The following ATP12A variants were observed in gnomAD, a reference collection of about 807,000 sequenced individuals.
ATP12A encodes potassium-transporting ATPase alpha chain 2.
In ATP12A, 81 loss-of-function variants were observed where a neutral mutation model predicts 111.2. That is an observed-to-expected ratio of 0.73 (90% CI 0.61 to 0.88). The LOEUF (loss-of-function observed/expected upper bound fraction) is 0.88. ATP12A is among the 40% of genes least tolerant of loss of function. ATP12A has a pLI of 0.00. For missense variants in ATP12A, 1,196 were observed against 1,313.1 expected (o/e 0.91, Z 1.38); for synonymous variants, 498 against 499.8 (o/e 1.00, Z 0.05).
rs750526769 is a variant in ATP12A, at chr13:24,700,831, A to G, written c.1790A>G (p.Asn597Ser). The G allele has an allele frequency of 2.2e-5, 36 of 1,613,828 alleles. No individual in the cohort carries two copies. Among genetic ancestry groups the G allele is most frequent in the Non-Finnish European group, 3.0e-5 (35 of 1,179,950 alleles). ...DIDAMNFPTS[N>S]LCFVGLLSMI... ...GACGCTATGAACTTTCCGACCTCCAACCTCTGTTTTGTGGGACTCTTGTCA... is the reference window on the plus strand; with the variant it reads ...GACGCTATGAACTTTCCGACCTCCAGCCTCTGTTTTGTGGGACTCTTGTCA... The change falls in exon 13 of 23, where the codon AAC becomes AGC. Residue 597 changes from asparagine (N) to serine (S), a missense_variant. Physicochemically the swap from Asn to Ser is conservative, Grantham distance 46. Transcript: ENST00000381946.
At chr13:24,695,821 C>T (rs1875129164) in intron 11 of ATP12A, among the ~76,000 whole-genome samples, 1 of 152,054 alleles carries the variant, frequency 6.6e-6, no homozygotes, top group African/African-American at 2.4e-5. Context: ...GTTGGCTGGG[C>T]TGGCCTCGAA....
chr13:24,684,608 C>T (rs1468742958), intron 2 of ATP12A, among the ~76,000 whole-genome samples: 1 of 152,124 alleles, frequency 6.6e-6, no homozygotes, highest in Non-Finnish European at 1.5e-5. Context: ...AAAATGGAAA[C>T]ATTTTTGGTT....
At chr13:24,710,744 A>T (rs146430565) in intron 20 of ATP12A, 48 bp from the exon 21 acceptor site, 2 of 1,607,954 alleles carry the variant, frequency 1.2e-6, no homozygotes, top group East Asian at 4.5e-5. Context: ...GTGTATGATC[A>T]TGAAGCCACA....
intron 11 of ATP12A, 92 bp from the exon 12 acceptor site, chr13:24,698,566 C>T (rs1427908452): frequency 6.7e-6 from 9 of 1,345,760 alleles, no homozygotes; most frequent in Admixed American, 6.4e-5. Context: ...TGCCATTGTG[C>T]CTCTTCCTCC....
At chr13:24,698,293 G>A (rs1427409654) in intron 11 of ATP12A, among the ~76,000 whole-genome samples, 1 of 152,118 alleles carries the variant, frequency 6.6e-6, no homozygotes, top group African/African-American at 2.4e-5. Context: ...TCTGAAAGAC[G>A]GCTGCTCCCC....
intron 1 of ATP12A, 89 bp from the exon 2 acceptor site, chr13:24,681,473 C>A (rs1247676667): frequency 1.4e-6 from 2 of 1,450,622 alleles, no homozygotes; most frequent in African/African-American, 1.4e-5. Flanking sequence ...GCTCCTGACT[C>A]CTGCAGGTCC....
intron 3 of ATP12A, among the ~76,000 whole-genome samples, chr13:24,686,908 G>T (rs906386587): frequency 2.0e-5 from 3 of 152,060 alleles, no homozygotes; most frequent in Non-Finnish European, 4.4e-5. Context: ...GGCTGGGGTG[G>T]GGGCAGGGAG....
intron 3 of ATP12A, among the ~76,000 whole-genome samples, chr13:24,687,554 A>ATCG (rs755050607): frequency 9.9e-5 from 15 of 152,186 alleles, no homozygotes; most frequent in Non-Finnish European, 1.9e-4. Context: ...TCCACCAAAG[A>ATCG]TCGTCTGTGG....
At chr13:24,709,186 G>T (rs1261677838) in intron 17 of ATP12A, among the ~76,000 whole-genome samples, 178 bp from the exon 18 acceptor site, 1 of 152,160 alleles carries the variant, frequency 6.6e-6, no homozygotes, top group Non-Finnish European at 1.5e-5. Context: ...ATTTCTAAAG[G>T]CACTATTCTT....
intron 10 of ATP12A, 27 bp from the exon 11 acceptor site, chr13:24,694,417 C>T (rs1875043003): frequency 6.2e-7 from 1 of 1,611,742 alleles, no homozygotes; most frequent in Non-Finnish European, 8.5e-7. Context: ...ATATGTGCTG[C>T]AAATATTTTT....
In ATP12A at chr13:24,692,440, G is replaced by A. The variant is rs759783098; in HGVS notation, c.1080G>A (p.Ser360=). ...GLLATVTVTL[S]LTAKRMAKKN... is the part of the protein sequence containing the mutation. ...CCCTCTCCTGCTAGGTGACCCTGTC[G>A]CTGACAGCAAAACGGATGGCCAAGA... The change falls in exon 9 of 23, where the codon TCG becomes TCA. Residue 360 remains serine, a synonymous_variant. Coordinates refer to ENST00000381946, the MANE Select transcript of ATP12A (RefSeq NM_001676.7). 1.3e-5 allele frequency: 21 copies of A among 1,613,506 alleles called. No homozygotes were observed. The highest frequency in any genetic ancestry group is 2.2e-5 in the South Asian group (2 of 91,070).
chr13:24,692,571 C>A lies in ATP12A; in HGVS notation c.1211C>A (p.Ala404Asp). Residue 404 changes from alanine to aspartate, a missense_variant, in exon 9 of 23, where the codon GCC becomes GAC. Coordinates refer to ENST00000381946, the MANE Select transcript of ATP12A (RefSeq NM_001676.7). ...CTGACCCAGAACAGGATGACAGTGG[C>A]CCATCTGTGGTTCGACAATCAGATC... ...GTLTQNRMTV[A>D]HLWFDNQIFV... 6.2e-7 allele frequency: 1 copy of A among 1,614,114 alleles called. No individual in the cohort carries two copies. Among genetic ancestry groups the A allele is most frequent in the Non-Finnish European group, 8.5e-7 (1 of 1,179,994 alleles).
At chr13:24,693,008 C>A in intron 10 of ATP12A, 112 bp downstream of exon 10, 1 of 977,762 alleles carries the variant, frequency 1.0e-6, no homozygotes, top group Non-Finnish European at 1.6e-6. Flanking sequence ...TTGTTCAGTG[C>A]TTGCAAGAGC....
chr13:24,705,319 A>G (rs943091296), intron 14 of ATP12A, among the ~76,000 whole-genome samples: 3 of 152,192 alleles, frequency 2.0e-5, no homozygotes, highest in African/African-American at 7.2e-5. Flanking sequence ...GGCAGGAGGG[A>G]GAGCCCAAGG....
At chr13:24,689,079 G>A (rs535485709) in intron 4 of ATP12A, among the ~76,000 whole-genome samples, 183 bp from the exon 5 acceptor site, 102 of 147,764 alleles carry the variant, frequency 6.9e-4, no homozygotes, top group African/African-American at 2.3e-3. Flanking sequence ...TGGTGTCATG[G>A]CTCTGTAAAC....
chr13:24,694,683 A>G (rs952748939), intron 11 of ATP12A, 105 bp downstream of exon 11: 3 of 1,559,088 alleles, frequency 1.9e-6, no homozygotes, highest in African/African-American at 1.4e-5. Context: ...CCTGGCTTCA[A>G]AGACAGTCGT....
rs146517711 is a variant in ATP12A, at chr13:24,702,245, A to G, written c.2018+174A>G. On this transcript the variant is annotated intron_variant, in intron 14 of 22. Transcript: ENST00000381946. ...TTCACTCTAATTTCACTGAGCAGCT[A>G]ATATGTGCCAGGCACAGTATTGATA... 3.6e-3 allele frequency among the ~76,000 whole-genome samples: 552 copies of G among 152,352 alleles called. 6 individuals carry two copies. Among genetic ancestry groups the G allele is most frequent in the African/African-American group, 0.012 (507 of 41,582 alleles).
rs370722394 is a variant in ATP12A, at chr13:24,685,281, A to C, written c.169-33A>C. 14 of 1,602,190 alleles carry C rather than the reference A, an allele frequency of 8.7e-6. No homozygotes were observed. In the African/African-American group the frequency reaches 1.7e-4, roughly 20 times the overall value. ...GGGCTTGAGTCTTTTGGAATTATCT[A>C]ATTCACTCTGTTCTTCCTTTCATGG... is the stretch of plus-strand genomic sequence containing the variant. On this transcript the variant is annotated intron_variant, in intron 2 of 22. Coordinates refer to ENST00000381946, the MANE Select transcript of ATP12A (RefSeq NM_001676.7). The surrounding 1 kb of genome is among the most constrained non-coding windows in gnomAD (Gnocchi z 5.5).
chr13:24,710,965 T>C, intron 21 of ATP12A, 72 bp downstream of exon 21: 1 of 1,365,724 alleles, frequency 7.3e-7, no homozygotes, highest in Non-Finnish European at 1.0e-6. Context: ...TAAATAAACC[T>C]GAGGATTCCC....
Sources: gnomAD v4.1 joint callset for allele counts (sites outside exome capture counted in the v4.1 genomes callset) on GRCh38, gnomAD v4.1.1 for gene constraint, Gnocchi (gnomAD v3.1) non-coding constraint, MANE v1.5 for transcripts, NCBI Gene and HGNC (gene_info 2026-07-23, HGNC 2026-07-21) for gene names.